DCAF10: variants seen among roughly 807,000 people sequenced by gnomAD.
DCAF10 encodes the protein DDB1 and CUL4 associated factor 10.
Under a neutral mutation model 51.9 loss-of-function variants are expected in DCAF10, and 19 were observed. The ratio of observed to expected loss-of-function variants is 0.37; its 90% CI spans 0.26 to 0.54. The LOEUF is 0.54. Ranked by LOEUF, DCAF10 falls within the 20% of genes least tolerant of loss-of-function variation. The pLI is 0.87. For missense variants in DCAF10, 510 were observed against 730.6 expected (o/e 0.70, Z 3.48); for synonymous variants, 291 against 297.1 (o/e 0.98, Z 0.21).
At chr9:37,836,139 G>C in intron 2 of DCAF10, 1 of 1,362,144 alleles carries the variant, frequency 7.3e-7, no homozygotes, top group Non-Finnish European at 1.1e-6. Context: ...AAGGAAAATA[G>C]AGCGATTTAC....
At chr9:37,817,699 G>C (rs1173353544) in intron 1 of DCAF10, among the ~76,000 whole-genome samples, 1 of 151,840 alleles carries the variant, frequency 6.6e-6, no homozygotes, top group Non-Finnish European at 1.5e-5. Flanking sequence ...CCAGGAATTT[G>C]AGACCAGCTT....
Position 37,861,560 on chromosome 9 carries a change from C to A in DCAF10, c.*52C>A. The A allele has an allele frequency of 1.3e-6, 2 of 1,545,586 alleles. No homozygotes were observed. Among genetic ancestry groups the A allele is most frequent in the Non-Finnish European group, 8.7e-7 (1 of 1,148,092 alleles). ...CTTCTGGTGTTTGACTTAGGAATTG[C>A]TTCAATTTAGATGAAGTATTTTCTT... On this transcript the variant is annotated 3_prime_UTR_variant, in exon 7 of 7. Coordinates refer to ENST00000377724, the MANE Select transcript of DCAF10 (RefSeq NM_024345.5). This position sits in a 1 kb window ranked among gnomAD's most constrained non-coding sequence, Gnocchi z 4.9.
intron 2 of DCAF10, among the ~76,000 whole-genome samples, chr9:37,840,801 G>T (rs979913476): frequency 2.6e-5 from 4 of 152,128 alleles, no homozygotes; most frequent in Non-Finnish European, 5.9e-5. Flanking sequence ...TCCCACGCCT[G>T]CAAGCTCCAT....
chr9:37,836,211 T>A, intron 2 of DCAF10: 7 of 1,506,060 alleles, frequency 4.6e-6, no homozygotes, highest in Non-Finnish European at 6.5e-6. Flanking sequence ...GAGAACACTT[T>A]ACAGATGTTT....
At chr9:37,853,031 A>C (rs974239933) in intron 3 of DCAF10, among the ~76,000 whole-genome samples, 2 of 149,974 alleles carry the variant, frequency 1.3e-5, no homozygotes, top group Non-Finnish European at 3.0e-5. Flanking sequence ...ACCATTAAAA[A>C]ATTTTATTTT....
In DCAF10 at chr9:37,800,805, A is replaced by T; in HGVS notation, c.-62A>T. 1 of 1,497,442 alleles carries T rather than the reference A, an allele frequency of 6.7e-7. No individual in the cohort carries two copies. Among genetic ancestry groups the T allele is most frequent in the Non-Finnish European group, 8.9e-7 (1 of 1,128,942 alleles). The allele number at this position is 1,497,442 out of a possible 1,614,324, so 92.8% of individuals were successfully genotyped here. On this transcript the variant is annotated 5_prime_UTR_variant, in exon 1 of 7. Coordinates refer to ENST00000377724, the MANE Select transcript of DCAF10 (RefSeq NM_024345.5). ...TGCACGCCGGAAGTGGCAGCTGAAC[A>T]GGGGCACTGAGGTGTCGGCCGGCGG...
At chr9:37,824,602 G>A (rs968633290) in intron 2 of DCAF10, among the ~76,000 whole-genome samples, 14 of 151,068 alleles carry the variant, frequency 9.3e-5, no homozygotes, top group Non-Finnish European at 1.9e-4. Context: ...ATAGAATATA[G>A]AAAATGAGAA....
intron 1 of DCAF10, among the ~76,000 whole-genome samples, chr9:37,816,351 G>A (rs1357737883): frequency 6.6e-6 from 1 of 152,244 alleles, no homozygotes; most frequent in East Asian, 1.9e-4. Flanking sequence ...CACTTTGGGA[G>A]GCTGAGGTGG....
chr9:37,816,495 C>T (rs1311852828), intron 1 of DCAF10, among the ~76,000 whole-genome samples: 2 of 152,060 alleles, frequency 1.3e-5, no homozygotes, highest in Non-Finnish European at 2.9e-5. Flanking sequence ...GAGGCTGAGG[C>T]AGGAAAATCT....
rs1310731732 is a variant in DCAF10, at chr9:37,829,452, T to TAAATA, written c.653+10065_653+10069dup. 1.3e-5 allele frequency among the ~76,000 whole-genome samples: 2 copies of TAAATA among 151,648 alleles called. No homozygotes were observed. The highest frequency in any genetic ancestry group is 4.8e-5 in the African/African-American group (2 of 41,276). ...CAAGACTCCATGTCAAAAAAATTAATAAATAAAATAAAATAAAACAAAAAA... is the reference window on the plus strand; with the variant it reads ...CAAGACTCCATGTCAAAAAAATTAATAAATAAAATAAAATAAAATAAAACAAAAAA... On this transcript the variant is annotated intron_variant, in intron 2 of 6. Coordinates refer to ENST00000377724, the MANE Select transcript of DCAF10 (RefSeq NM_024345.5). The surrounding 1 kb of genome is among the most constrained non-coding windows in gnomAD (Gnocchi z 4.2).
intron 1 of DCAF10, among the ~76,000 whole-genome samples, chr9:37,812,065 A>G (rs1053633965): frequency 2.0e-5 from 3 of 152,128 alleles, no homozygotes; most frequent in Non-Finnish European, 4.4e-5. Flanking sequence ...CTGTGGTCCC[A>G]GCTACTCAGG....
chr9:37,802,676 G>T (rs1009676703), intron 1 of DCAF10, among the ~76,000 whole-genome samples: 4 of 152,180 alleles, frequency 2.6e-5, no homozygotes, highest in African/African-American at 7.2e-5. Flanking sequence ...TGATGGAAGC[G>T]CTTCCTAATC....
intron 2 of DCAF10, among the ~76,000 whole-genome samples, chr9:37,827,513 A>G (rs1224812048): frequency 6.6e-6 from 1 of 152,226 alleles, no homozygotes; most frequent in Non-Finnish European, 1.5e-5. Context: ...AATTAAAAAC[A>G]AATGCTGGAT....
At chr9:37,839,418 A>C (rs1303927563) in intron 2 of DCAF10, among the ~76,000 whole-genome samples, 1 of 151,974 alleles carries the variant, frequency 6.6e-6, no homozygotes, top group Non-Finnish European at 1.5e-5. Flanking sequence ...GTTATTTTTA[A>C]AATAAGAGAT....
chr9:37,808,537 TA>T (rs1367418845), intron 1 of DCAF10, among the ~76,000 whole-genome samples: 1 of 113,910 alleles, frequency 8.8e-6, no homozygotes, highest in Non-Finnish European at 1.7e-5. Flanking sequence ...TATAAATATA[TA>T]ATATATGTAA....
At chr9:37,820,251 G>A (rs947667861) in intron 2 of DCAF10, among the ~76,000 whole-genome samples, 5 of 152,106 alleles carry the variant, frequency 3.3e-5, no homozygotes, top group African/African-American at 1.2e-4. Flanking sequence ...GTATAGCCAG[G>A]TTCTGAAACA....
intron 2 of DCAF10, among the ~76,000 whole-genome samples, chr9:37,821,020 C>T (rs1829684452): frequency 6.6e-6 from 1 of 152,014 alleles, no homozygotes; most frequent in Non-Finnish European, 1.5e-5. Context: ...CACCCAGTTT[C>T]CCTCCCCAAA....
chr9:37,866,879 TAAG>T lies in DCAF10; in HGVS notation c.*5374_*5376del, dbSNP rs1254208169. The stretch of plus-strand genomic sequence containing the variant: ...TTTGCAGAGGGGTCTATCATGCTTT[TAAG>T]AAAAAAGAAGAGTACAGGAAAAAAA... On this transcript the variant is annotated 3_prime_UTR_variant, in exon 7 of 7. Transcript: ENST00000377724. 6.6e-6 allele frequency: 1 copy of T among 152,494 alleles called. No homozygotes were observed. The highest frequency in any genetic ancestry group is 1.5e-5 in the Non-Finnish European group (1 of 68,006). The allele number at this position is 152,494 out of a possible 1,614,324, so 9.4% of individuals were successfully genotyped here.
intron 2 of DCAF10, among the ~76,000 whole-genome samples, chr9:37,833,329 T>C (rs1458176386): frequency 6.6e-6 from 1 of 152,196 alleles, no homozygotes; most frequent in Non-Finnish European, 1.5e-5. Flanking sequence ...AATAAACCCA[T>C]TGTCAGTTGA....
Sources: gnomAD v4.1 joint callset for allele counts (sites outside exome capture counted in the v4.1 genomes callset) on GRCh38, gnomAD v4.1.1 for gene constraint, Gnocchi (gnomAD v3.1) non-coding constraint, MANE v1.5 for transcripts, NCBI Gene and HGNC (gene_info 2026-07-23, HGNC 2026-07-21) for gene names.